The following MOB1B variants were observed in gnomAD, a reference collection of about 807,000 sequenced individuals.
MOB1B encodes MOB kinase activator 1B.
Under a neutral mutation model 24.4 loss-of-function variants are expected in MOB1B, and 19 were observed. The ratio of observed to expected loss-of-function variants is 0.78; its 90% CI spans 0.54 to 1.14. The LOEUF is 1.14. Ranked by LOEUF, MOB1B falls within the 50% of genes most tolerant of loss-of-function variation. The pLI, the probability that MOB1B is intolerant of heterozygous loss-of-function variation, is 0.00. For missense variants in MOB1B, 243 were observed against 259.6 expected, an observed-to-expected ratio of 0.94 and a Z score of 0.44; for synonymous variants, 76 against 82.1, an observed-to-expected ratio of 0.93 and a Z score of 0.40.
intron 1 of MOB1B, among the ~76,000 whole-genome samples, chr4:70,930,664 G>A (rs1400594143): frequency 6.6e-6 from 1 of 152,138 alleles, no homozygotes; most frequent in Non-Finnish European, 1.5e-5. Context: ...AACCCTGGTA[G>A]CTTAATGAAT....
At chr4:70,973,841 G>T (rs138049725) in intron 3 of MOB1B, among the ~76,000 whole-genome samples, 1 of 152,114 alleles carries the variant, frequency 6.6e-6, no homozygotes, top group African/African-American at 2.4e-5. Flanking sequence ...TATTGTTCAG[G>T]TATAAGTAGT....
Position 70,983,391 on chromosome 4 carries a change from C to T in MOB1B, c.*1334C>T, listed in dbSNP as rs978127185. On this transcript the variant is annotated 3_prime_UTR_variant, in exon 6 of 6. Coordinates refer to ENST00000309395, the MANE Select transcript of MOB1B (RefSeq NM_173468.4). ...ATGCTAATTCAGTAGTTATTAACTTCTAAATTTTATTCGCCATGACTTTCT... is the reference window on the plus strand; with the variant it reads ...ATGCTAATTCAGTAGTTATTAACTTTTAAATTTTATTCGCCATGACTTTCT... The T allele has an allele frequency of 6.6e-6, 1 of 152,484 alleles. No homozygotes were observed. The highest frequency in any genetic ancestry group is 1.5e-5 in the Non-Finnish European group (1 of 67,982). 9.4% of individuals were successfully genotyped at this position (152,484 alleles called of 1,614,324 possible).
intron 4 of MOB1B, chr4:70,976,408 A>T: frequency 1.0e-6 from 1 of 985,336 alleles, no homozygotes; most frequent in Non-Finnish European, 1.2e-6. Context: ...TCAGATATTA[A>T]GCTATGTGAG....
At chr4:70,936,260 C>G (rs1179263226) in intron 1 of MOB1B, among the ~76,000 whole-genome samples, 1 of 152,168 alleles carries the variant, frequency 6.6e-6, no homozygotes, top group Admixed American at 6.5e-5. Context: ...TCCCAAAGTG[C>G]TGGGATTGCT....
chr4:70,960,218 T>C (rs1578390260), intron 2 of MOB1B, among the ~76,000 whole-genome samples: 1 of 152,138 alleles, frequency 6.6e-6, no homozygotes, highest in African/African-American at 2.4e-5. Flanking sequence ...TATCAAGTAG[T>C]CATCTTATGA....
intron 2 of MOB1B, among the ~76,000 whole-genome samples, chr4:70,964,691 AGGCCAAGGTGGGT>A (rs1738441474): frequency 1.3e-5 from 2 of 152,224 alleles, no homozygotes; most frequent in South Asian, 4.1e-4. Flanking sequence ...GCACTTTGGG[AGGCCAAGGTGGGT>A]GGATCACCTG....
rs1318005975 is a variant in MOB1B at position 70,985,022 on chromosome 4, A to G, written c.*2965A>G. 1.3e-5 allele frequency: 2 copies of G among 151,744 alleles called. No individual in the cohort carries two copies. The highest frequency in any genetic ancestry group is 1.5e-5 in the Non-Finnish European group (1 of 68,016). The allele number at this position is 151,744 out of a possible 1,614,324, so 9.4% of individuals were successfully genotyped here. ...GGAGAAGATACGTTTTATGTATAAT[A>G]TATCTCAGACTGAGTTACTGCCTGT... On this transcript the variant is annotated 3_prime_UTR_variant, in exon 6 of 6. Coordinates refer to ENST00000309395, the MANE Select transcript of MOB1B (RefSeq NM_173468.4).
At chr4:70,952,384 C>G (rs547632667) in intron 1 of MOB1B, among the ~76,000 whole-genome samples, 1 of 152,044 alleles carries the variant, frequency 6.6e-6, no homozygotes, top group African/African-American at 2.4e-5. Context: ...TTTCTAATGC[C>G]TGTAATCCCA....
chr4:70,938,323 C>CCG (rs1314915671), intron 1 of MOB1B, among the ~76,000 whole-genome samples: 1 of 29,290 alleles, frequency 3.4e-5, no homozygotes, highest in African/African-American at 1.1e-4. Flanking sequence ...GCCCCCGCCC[C>CCG]CCCCCCCCCC....
At chr4:70,976,426 C>T (rs1189404748) in intron 4 of MOB1B, 1 of 985,048 alleles carries the variant, frequency 1.0e-6, no homozygotes, top group East Asian at 1.1e-4. Flanking sequence ...GAGAAGAAAA[C>T]AAGATTTGAG....
chr4:70,982,597 T>C lies in MOB1B; in HGVS notation c.*540T>C, dbSNP rs1739250250. 6.6e-6 allele frequency: 1 copy of C among 152,642 alleles called. No homozygotes were observed. The highest frequency in any genetic ancestry group is 2.4e-5 in the African/African-American group (1 of 41,464). The allele number at this position is 152,642 out of a possible 1,614,324, so 9.5% of individuals were successfully genotyped here. On this transcript the variant is annotated 3_prime_UTR_variant, in exon 6 of 6. Transcript: ENST00000309395. ...ACCTAAAATGGTGATTTCCAGCCTT[T>C]ACTGCTTTGAAGAAACAGAATTTGT... is the stretch of plus-strand genomic sequence containing the variant.
intron 3 of MOB1B, among the ~76,000 whole-genome samples, chr4:70,973,580 A>G (rs527856966): frequency 6.6e-6 from 1 of 152,208 alleles, no homozygotes; most frequent in Non-Finnish European, 1.5e-5. Flanking sequence ...AAATTGCACT[A>G]AGAACTTTAG....
chr4:70,957,539 A>G (rs565013968), intron 1 of MOB1B, among the ~76,000 whole-genome samples: 5 of 150,934 alleles, frequency 3.3e-5, no homozygotes, highest in Non-Finnish European at 7.4e-5. Context: ...GGCTTAAGCT[A>G]TCCTTTGGCT....
chr4:70,971,605 T>G (rs1738757621), intron 3 of MOB1B, among the ~76,000 whole-genome samples: 3 of 152,106 alleles, frequency 2.0e-5, no homozygotes, highest in Admixed American at 1.3e-4. Context: ...TCGGGAAGAT[T>G]TATTAGAGGA....
intron 2 of MOB1B, among the ~76,000 whole-genome samples, chr4:70,959,302 G>A (rs1270276898): frequency 6.6e-6 from 1 of 152,150 alleles, no homozygotes; most frequent in African/African-American, 2.4e-5. Context: ...TTGAACTCCT[G>A]GGCTCAAGCA....
chr4:70,980,205 T>C (rs1198720818), intron 5 of MOB1B, among the ~76,000 whole-genome samples: 1 of 152,166 alleles, frequency 6.6e-6, no homozygotes, highest in Non-Finnish European at 1.5e-5. Context: ...ATAAACATAC[T>C]TTAGGAGATT....
Position 70,970,009 on chromosome 4 carries a change from T to A in MOB1B, c.260T>A (p.Met87Lys), listed in dbSNP as rs1334501500. 10 of 1,585,254 alleles carry A rather than the reference T, an allele frequency of 6.3e-6. No homozygotes were observed. The highest frequency in any genetic ancestry group is 8.6e-6 in the Non-Finnish European group (10 of 1,160,304). The change falls in exon 3 of 6, where the codon ATG becomes AAG. Residue 87 changes from methionine to lysine, a missense_variant. By Grantham distance (95) the Met-to-Lys change is moderately conservative. Transcript: ENST00000309395. ...TGTACAGAAGAGAGTTGTCCAGTGA[T>A]GTCAGCTGGCCCAAAGTAAGACATA... Reference protein sequence around the residue: ...DFCTEESCPVMSAGPKYEYHW... With the variant: ...DFCTEESCPVKSAGPKYEYHW...
intron 1 of MOB1B, among the ~76,000 whole-genome samples, chr4:70,912,375 G>A (rs1250782938): frequency 6.6e-6 from 1 of 151,420 alleles, no homozygotes; most frequent in Non-Finnish European, 1.5e-5. Context: ...TGCCTCCTGG[G>A]TTCAAGTAAT....
At chr4:70,976,383 A>G in intron 4 of MOB1B, 1 of 983,672 alleles carries the variant, frequency 1.0e-6, no homozygotes, top group Non-Finnish European at 1.2e-6. Flanking sequence ...GACCCACAAT[A>G]TGAATCTTAC....
Sources: gnomAD v4.1 joint callset for allele counts (sites outside exome capture counted in the v4.1 genomes callset) on GRCh38, gnomAD v4.1.1 for gene constraint, MANE v1.5 for transcripts, NCBI Gene and HGNC (gene_info 2026-07-23, HGNC 2026-07-21) for gene names.